Variants in FBXO24 observed in about 807,000 individuals in gnomAD.
FBXO24 encodes the protein F-box protein 24.
A neutral mutation model predicts 63.5 loss-of-function variants in FBXO24; 30 were observed. That is an observed-to-expected ratio of 0.47 (90% CI 0.35 to 0.64). The LOEUF (loss-of-function observed/expected upper bound fraction) is 0.64, where lower values mean the gene tolerates loss of function less well. Ranked by LOEUF, FBXO24 falls within the 30% of genes least tolerant of loss-of-function variation. The pLI is 0.00. For synonymous variants in FBXO24, 300 were observed against 305.0 expected (o/e 0.98, Z 0.17); for missense variants, 624 against 763.4 (o/e 0.82, Z 2.15).
At position 100,591,871 on chromosome 7, in the gene FBXO24, G is replaced by T; in HGVS notation, c.527G>T (p.Arg176Leu). The change falls in exon 4 of 10, where the codon CGC becomes CTC. Residue 176 changes from arginine (R) to leucine (L), a missense_variant. Arg to Leu is a moderately radical substitution (Grantham distance 102). Coordinates refer to ENST00000241071, the MANE Select transcript of FBXO24 (RefSeq NM_033506.3). ...LGQMQWKRAC[R>L]YVVLCRGAKD... is the part of the protein sequence containing the mutation. ...CAGATGCAGTGGAAGCGGGCCTGTC[G>T]CTATGTTGTGTTGTGTCGTGGAGCC... is the stretch of plus-strand genomic sequence containing the variant. 2 of 1,614,208 alleles carry T rather than the reference G, an allele frequency of 1.2e-6. No homozygotes were observed. Among genetic ancestry groups the T allele is most frequent in the East Asian group, 2.2e-5 (1 of 44,886 alleles).
At position 100,600,403 on chromosome 7, in the gene FBXO24, C is replaced by A. The variant is rs1584436978; in HGVS notation, c.1378-131C>A. On this transcript the variant is annotated intron_variant, in intron 9 of 9. Coordinates refer to ENST00000241071, the MANE Select transcript of FBXO24 (RefSeq NM_033506.3). This position sits in a 1 kb window ranked among gnomAD's most constrained non-coding sequence, Gnocchi z 6.3. ...TGCTGGCCTTGCCCAACCTCACACA[C>A]CCCTGGGACTTAGCCGGCTCAGGGC... 3 of 1,480,856 alleles carry A rather than the reference C, an allele frequency of 2.0e-6. No homozygotes were observed. The highest frequency in any genetic ancestry group is 2.7e-6 in the Non-Finnish European group (3 of 1,103,492). 91.7% of individuals were successfully genotyped at this position (1,480,856 alleles called of 1,614,324 possible).
rs1802188753 is a variant in FBXO24 at position 100,594,341 on chromosome 7, T to C, written c.794-42T>C. The C allele has an allele frequency of 6.2e-7, 1 of 1,605,316 alleles. No individual in the cohort carries two copies. Among genetic ancestry groups the C allele is most frequent in the Non-Finnish European group, 8.5e-7 (1 of 1,176,128 alleles). ...TCTCTTGGGATGTTTATGTGGATAT[T>C]GGAGAATCCCCTCCCCAACTAATTG... On this transcript the variant is annotated intron_variant, in intron 5 of 9. Transcript: ENST00000241071. This position sits in a 1 kb window ranked among gnomAD's most constrained non-coding sequence, Gnocchi z 4.2.
chr7:100,586,893 C>T, intron 1 of FBXO24: 3 of 368,830 alleles, frequency 8.1e-6, no homozygotes, highest in Non-Finnish European at 1.6e-5. Flanking sequence ...TGGCAGGGGT[C>T]TCGGGACCCC....
Position 100,594,599 on chromosome 7 carries a change from C to T in FBXO24, c.952+58C>T. ...AGCCTTGGTTAGACCCTCTAAACAT[C>T]AACACCCTTCACCCTTACTCCAGCT... On this transcript the variant is annotated intron_variant, in intron 6 of 9. Coordinates refer to ENST00000241071, the MANE Select transcript of FBXO24 (RefSeq NM_033506.3). This position sits in a 1 kb window ranked among gnomAD's most constrained non-coding sequence, Gnocchi z 4.2. 2.1e-6 allele frequency: 3 copies of T among 1,444,492 alleles called. No individual in the cohort carries two copies. In the South Asian group the frequency reaches 4.3e-5, roughly 21 times the overall value. The allele number at this position is 1,444,492 out of a possible 1,614,324, so 89.5% of individuals were successfully genotyped here.
rs1325239055 is a variant in FBXO24 at position 100,594,671 on chromosome 7, G to A, written c.952+130G>A. The A allele has an allele frequency of 9.0e-7, 1 of 1,105,550 alleles. No individual in the cohort carries two copies. Among genetic ancestry groups the A allele is most frequent in the South Asian group, 2.0e-5 (1 of 49,540 alleles). 68.5% of individuals were successfully genotyped at this position (1,105,550 alleles called of 1,614,324 possible). A position where few individuals can be genotyped will look rare whatever the true frequency, so the allele number is the denominator to read the frequency against. On this transcript the variant is annotated intron_variant, in intron 6 of 9. Transcript: ENST00000241071. This position sits in a 1 kb window ranked among gnomAD's most constrained non-coding sequence, Gnocchi z 4.2. ...ATCCTAGTGAAAAGATGTGTTTAGG[G>A]CCGGCATGGTGACTCATGCCTGTAA...
chr7:100,591,960 G>A, intron 4 of FBXO24, 58 bp downstream of exon 4: 3 of 1,548,880 alleles, frequency 1.9e-6, no homozygotes, highest in Non-Finnish European at 2.7e-6. Context: ...TTTTCACACT[G>A]CTATAAAGAC....
rs1801883761 is a variant in FBXO24, at chr7:100,589,215, A to G, written c.40-762A>G. ...GAGCTAAACGATTATTAGCACAGTC[A>G]CCTCTCCATCTCACCTGTCAAACTG... is the stretch of plus-strand genomic sequence containing the variant. On this transcript the variant is annotated intron_variant, in intron 1 of 9. Transcript: ENST00000241071. Among the ~76,000 whole-genome samples the G allele has an allele frequency of 2.6e-5, 4 of 152,006 alleles. No individual in the cohort carries two copies. In the South Asian group the frequency reaches 8.3e-4, roughly 32 times the overall value.
chr7:100,588,979 C>G (rs1246363413), intron 1 of FBXO24, among the ~76,000 whole-genome samples: 5 of 151,806 alleles, frequency 3.3e-5, no homozygotes, highest in African/African-American at 7.3e-5. Context: ...TGCATCACCA[C>G]GCCTGGGTAA....
chr7:100,586,478 C>A lies in FBXO24; in HGVS notation c.-148C>A. On this transcript the variant is annotated 5_prime_UTR_variant, in exon 1 of 10. Transcript: ENST00000241071. ...ACTAGCAGGAAAACGGGCCGAGGGA[C>A]CGCAAGCAGGGGGTGCCTAGTCCTC... is the stretch of plus-strand genomic sequence containing the variant. 3.7e-6 allele frequency: 3 copies of A among 818,416 alleles called. No individual in the cohort carries two copies. Among genetic ancestry groups the A allele is most frequent in the Non-Finnish European group, 6.1e-6 (3 of 495,620 alleles). 50.7% of individuals were successfully genotyped at this position (818,416 alleles called of 1,614,324 possible). A position where few individuals can be genotyped will look rare whatever the true frequency, so the allele number is the denominator to read the frequency against.
chr7:100,592,058 C>G, intron 4 of FBXO24, 156 bp downstream of exon 4: 4 of 678,226 alleles, frequency 5.9e-6, no homozygotes, highest in Non-Finnish European at 9.9e-6. Context: ...ACCAGGAGTT[C>G]GAGACCAGCC....
At position 100,594,345 on chromosome 7, in the gene FBXO24, G is replaced by A; in HGVS notation, c.794-38G>A. The A allele has an allele frequency of 6.2e-7, 1 of 1,606,266 alleles. No homozygotes were observed. Among genetic ancestry groups the A allele is most frequent in the Non-Finnish European group, 8.5e-7 (1 of 1,176,678 alleles). ...TTGGGATGTTTATGTGGATATTGGA[G>A]AATCCCCTCCCCAACTAATTGCTTC... On this transcript the variant is annotated intron_variant, in intron 5 of 9. Coordinates refer to ENST00000241071, the MANE Select transcript of FBXO24 (RefSeq NM_033506.3). This position sits in a 1 kb window ranked among gnomAD's most constrained non-coding sequence, Gnocchi z 4.2.
chr7:100,589,457 A>G (rs1306054261), intron 1 of FBXO24: 17 of 1,251,466 alleles, frequency 1.4e-5, no homozygotes, highest in Non-Finnish European at 1.6e-5. Flanking sequence ...GAGCCATGTG[A>G]TGGCTAGAAC....
intron 1 of FBXO24, chr7:100,586,891 G>GT: frequency 2.2e-6 from 1 of 447,716 alleles, no homozygotes; most frequent in South Asian, 1.9e-5. Context: ...TCTGGCAGGG[G>GT]TCTCGGGACC....
chr7:100,596,518 G>A (rs1802316519), intron 8 of FBXO24, among the ~76,000 whole-genome samples: 1 of 150,848 alleles, frequency 6.6e-6, no homozygotes, highest in African/African-American at 2.4e-5. Flanking sequence ...GTCACTGCAG[G>A]TTCTGGAATA....
chr7:100,600,929 G>C lies in FBXO24; in HGVS notation c.*30G>C. Reference sequence around the variant, plus strand: ...CCTCATGCTAGCCTAGTCCCTGGAGGAGGGAGTCCGGCCCCAGGCCAGGGA... The same window carrying C: ...CCTCATGCTAGCCTAGTCCCTGGAGCAGGGAGTCCGGCCCCAGGCCAGGGA... On this transcript the variant is annotated 3_prime_UTR_variant, in exon 10 of 10. Coordinates refer to ENST00000241071, the MANE Select transcript of FBXO24 (RefSeq NM_033506.3). The surrounding 1 kb of genome is among the most constrained non-coding windows in gnomAD (Gnocchi z 6.3). 1.9e-6 allele frequency: 3 copies of C among 1,593,302 alleles called. No homozygotes were observed. The highest frequency in any genetic ancestry group is 2.6e-6 in the Non-Finnish European group (3 of 1,170,218).
chr7:100,599,979 C>A lies in FBXO24; in HGVS notation c.1207-52C>A, dbSNP rs146122350. 1.5e-4 allele frequency: 216 copies of A among 1,458,428 alleles called. 1 individual carries two copies. Among genetic ancestry groups the A allele is most frequent in the African/African-American group, 6.5e-4 (47 of 72,310 alleles). The allele number at this position is 1,458,428 out of a possible 1,614,324, so 90.3% of individuals were successfully genotyped here. On this transcript the variant is annotated intron_variant, in intron 8 of 9. Transcript: ENST00000241071. ...CCAGTCAACCTTTTCCCACCCCAGC[C>A]CCCCCGTCCCTTGGTGCTCCCTGCT... is the stretch of plus-strand genomic sequence containing the variant.
In FBXO24 at chr7:100,586,397, A is replaced by C. The variant is rs1801754137; in HGVS notation, c.-229A>C. 1.6e-6 allele frequency: 1 copy of C among 633,642 alleles called. No individual in the cohort carries two copies. Among genetic ancestry groups the C allele is most frequent in the Non-Finnish European group, 2.8e-6 (1 of 362,972 alleles). 39.3% of individuals were successfully genotyped at this position (633,642 alleles called of 1,614,324 possible). A position where few individuals can be genotyped will look rare whatever the true frequency, so the allele number is the denominator to read the frequency against. On this transcript the variant is annotated 5_prime_UTR_variant, in exon 1 of 10. Coordinates refer to ENST00000241071, the MANE Select transcript of FBXO24 (RefSeq NM_033506.3). ...GCAGCTGCACCCAATCACAATGCTC[A>C]GATCGGGAGGTGGAGCCAATCAGGT...
chr7:100,600,524 C>T lies in FBXO24; in HGVS notation c.1378-10C>T. 1 of 1,534,478 alleles carries T rather than the reference C, an allele frequency of 6.5e-7. No individual in the cohort carries two copies. The highest frequency in any genetic ancestry group is 1.3e-5 in the South Asian group (1 of 77,526). On this transcript the variant is annotated splice_polypyrimidine_tract_variant and intron_variant, in intron 9 of 9. Coordinates refer to ENST00000241071, the MANE Select transcript of FBXO24 (RefSeq NM_033506.3). The surrounding 1 kb of genome is among the most constrained non-coding windows in gnomAD (Gnocchi z 6.3). ...CACTCAGCCATGCCCCCTTTCTCTC[C>T]TCCTCCAAGGTCCCTCTGTGTGCCT...
At chr7:100,596,540 C>T (rs932144644) in intron 8 of FBXO24, among the ~76,000 whole-genome samples, 8 of 151,958 alleles carry the variant, frequency 5.3e-5, no homozygotes, top group Admixed American at 3.3e-4. Context: ...GAGAAGGCAA[C>T]CCCCAAGAGG....
Sources: gnomAD v4.1 joint callset for allele counts (sites outside exome capture counted in the v4.1 genomes callset) on GRCh38, gnomAD v4.1.1 for gene constraint, Gnocchi (gnomAD v3.1) non-coding constraint, MANE v1.5 for transcripts, NCBI Gene and HGNC (gene_info 2026-07-23, HGNC 2026-07-21) for gene names.